RACGAP1: variants seen among roughly 807,000 people sequenced by gnomAD.
RACGAP1 encodes the protein rac GTPase-activating protein 1.
Under a neutral mutation model 78.1 loss-of-function variants are expected in RACGAP1, and 30 were observed. The observed-to-expected ratio is 0.38, with a 90% CI of 0.29 to 0.52. The LOEUF is 0.52. Ranked by LOEUF, RACGAP1 falls within the 20% of genes least tolerant of loss-of-function variation. RACGAP1 has a pLI of 0.82. For synonymous variants in RACGAP1, 231 were observed against 264.8 expected (o/e 0.87, Z 1.24); for missense variants, 587 against 777.1 (o/e 0.76, Z 2.91).
chr12:49,999,649 C>T lies in RACGAP1; in HGVS notation c.715G>A (p.Val239Met). The change falls in exon 8 of 17, where the codon GTG becomes ATG. Residue 239 changes from valine to methionine, a missense_variant. Val to Met is a conservative substitution (Grantham distance 21). Transcript: ENST00000312377. ...PIEAVSTIET[V>M]PYWTRSRRKT... is the part of the protein sequence containing the mutation. ...CTTCGGCTCCTGGTCCAATATGGCA[C>T]AGTCTCAATAGTGGACACAGCTTCG... is the stretch of plus-strand genomic sequence containing the variant. The T allele has an allele frequency of 6.2e-6, 10 of 1,614,152 alleles. No homozygotes were observed. Among genetic ancestry groups the T allele is most frequent in the Non-Finnish European group, 8.5e-6 (10 of 1,180,000 alleles).
chr12:50,005,111 T>C, intron 4 of RACGAP1, 145 bp downstream of exon 4: 3 of 1,109,690 alleles, frequency 2.7e-6, no homozygotes, highest in Admixed American at 2.5e-5. Flanking sequence ...TGTGCCTTTA[T>C]TCCCCACCTA....
At position 50,016,537 on chromosome 12, in the gene RACGAP1, A is replaced by G; in HGVS notation, c.85+94T>C. 3 of 1,358,904 alleles carry G rather than the reference A, an allele frequency of 2.2e-6. No individual in the cohort carries two copies. In the South Asian group the frequency reaches 3.5e-5, roughly 16 times the overall value. The allele number at this position is 1,358,904 out of a possible 1,614,324, so 84.2% of individuals were successfully genotyped here. On this transcript the variant is annotated intron_variant, in intron 2 of 16. Transcript: ENST00000312377. ...TTCTTTTTAGGTAACCCAAATGGAA[A>G]ACAACTTTAAGATTGGAAAATACTT... is the stretch of plus-strand genomic sequence containing the variant.
chr12:50,006,443 G>C lies in RACGAP1; in HGVS notation c.279C>G (p.Cys93Trp). 6.2e-7 allele frequency: 1 copy of C among 1,614,012 alleles called. No individual in the cohort carries two copies. The highest frequency in any genetic ancestry group is 8.5e-7 in the Non-Finnish European group (1 of 1,179,988). The stretch of plus-strand genomic sequence containing the variant: ...GGAAAACAATACACACCAGCTTTTC[G>C]CAGTCAGCCTCAGCTCTCTGTCTCC... ...IKRRQRAEAD[C>W]EKLERQIQLI... is the part of the protein sequence containing the mutation. Residue 93 changes from cysteine to tryptophan, a missense_variant, in exon 3 of 17, where the codon TGC (cysteine) becomes TGG (tryptophan). Cys to Trp is a radical substitution (Grantham distance 215). Coordinates refer to ENST00000312377, the MANE Select transcript of RACGAP1 (RefSeq NM_001319999.2).
chr12:50,000,670 T>A (rs567694344), intron 7 of RACGAP1, among the ~76,000 whole-genome samples: 1 of 152,280 alleles, frequency 6.6e-6, no homozygotes, highest in East Asian at 1.9e-4. Context: ...GGGTATATAT[T>A]CAAGCAACTA....
At chr12:50,020,194 C>T (rs60905953) in intron 1 of RACGAP1, among the ~76,000 whole-genome samples, 23,206 of 151,998 alleles carry the variant, frequency 0.15, 2,863 homozygotes, top group African/African-American at 0.34. Context: ...GACTTTTTTT[C>T]TGAGACGGTG....
intron 2 of RACGAP1, among the ~76,000 whole-genome samples, chr12:50,013,337 T>C (rs1378359819): frequency 6.6e-6 from 1 of 152,210 alleles, no homozygotes; most frequent in African/African-American, 2.4e-5. Context: ...TCCTATTTTA[T>C]AGGTGGAAAA....
At chr12:50,024,790 T>A (rs1695003657) in intron 1 of RACGAP1, among the ~76,000 whole-genome samples, 1 of 145,034 alleles carries the variant, frequency 6.9e-6, no homozygotes, top group Non-Finnish European at 1.5e-5. Context: ...AATGCTTTCT[T>A]AAAAAAAAAA....
At chr12:50,022,706 G>A (rs1483118188) in intron 1 of RACGAP1, among the ~76,000 whole-genome samples, 3 of 152,172 alleles carry the variant, frequency 2.0e-5, no homozygotes, top group African/African-American at 7.2e-5. Context: ...ATTTCATGGT[G>A]TTACAATCAT....
chr12:50,029,827 A>T (rs1434070696), upstream of RACGAP1, among the ~76,000 whole-genome samples: 2 of 152,116 alleles, frequency 1.3e-5, no homozygotes, highest in African/African-American at 4.8e-5. Context: ...TGGGAAGTGG[A>T]GGTTGCAGTG....
chr12:50,025,411 G>A lies in RACGAP1; in HGVS notation c.-18C>T. 1.1e-5 allele frequency: 11 copies of A among 985,750 alleles called. No homozygotes were observed. Among genetic ancestry groups the A allele is most frequent in the Non-Finnish European group, 1.3e-5 (11 of 830,194 alleles). The allele number at this position is 985,750 out of a possible 1,614,324, so 61.1% of individuals were successfully genotyped here. On this transcript the variant is annotated 5_prime_UTR_variant, in exon 1 of 17. Coordinates refer to ENST00000312377, the MANE Select transcript of RACGAP1 (RefSeq NM_001319999.2). ...CCCACTACTCACTTCAGTCAGCCTG[G>A]CCCCACCTGGGCCACCCTTCACTTC... is the stretch of plus-strand genomic sequence containing the variant.
At position 50,025,455 on chromosome 12, in the gene RACGAP1, C is replaced by G. The variant is rs936810322; in HGVS notation, c.-62G>C. The G allele has an allele frequency of 4.1e-5, 40 of 985,646 alleles. 1 individual carries two copies. Among genetic ancestry groups the G allele is most frequent in the Non-Finnish European group, 1.2e-6 (1 of 830,182 alleles). 61.1% of individuals were successfully genotyped at this position (985,646 alleles called of 1,614,324 possible). ...TCACTTCGCTCCGCGCCTCACCCAA[C>G]GGCAGAGCAGCGCCGCGCCCACAGC... On this transcript the variant is annotated 5_prime_UTR_variant, in exon 1 of 17. Transcript: ENST00000312377.
At chr12:50,013,635 G>A (rs1020490080) in intron 2 of RACGAP1, among the ~76,000 whole-genome samples, 4 of 152,302 alleles carry the variant, frequency 2.6e-5, no homozygotes, top group South Asian at 2.1e-4. Context: ...CCCAAAGCAC[G>A]GTTCTGATTA....
At chr12:49,997,741 C>T (rs1388104258) in intron 9 of RACGAP1, among the ~76,000 whole-genome samples, 1 of 151,644 alleles carries the variant, frequency 6.6e-6, no homozygotes, top group Non-Finnish European at 1.5e-5. Context: ...CCACGCCCGG[C>T]TAATTTTTAT....
upstream of RACGAP1, among the ~76,000 whole-genome samples, chr12:50,026,170 C>A (rs1380808613): frequency 1.3e-5 from 2 of 152,160 alleles, no homozygotes; most frequent in African/African-American, 2.4e-5. Flanking sequence ...GTGAGAAATA[C>A]ATTTTACGTT....
chr12:50,012,561 CA>C (rs1443850579), intron 2 of RACGAP1, among the ~76,000 whole-genome samples: 1 of 148,154 alleles, frequency 6.7e-6, no homozygotes, highest in African/African-American at 2.5e-5. Flanking sequence ...AACTCCATCT[CA>C]AAAAAATAAA....
At chr12:50,023,286 T>C (rs1242050259) in intron 1 of RACGAP1, among the ~76,000 whole-genome samples, 1 of 152,222 alleles carries the variant, frequency 6.6e-6, no homozygotes, top group Non-Finnish European at 1.5e-5. Context: ...CTAAAAGGGA[T>C]GTACTAATGC....
rs1592216416 is a variant in RACGAP1, at chr12:50,016,565, G to A, written c.85+66C>T. 5 of 1,486,984 alleles carry A rather than the reference G, an allele frequency of 3.4e-6. No homozygotes were observed. In the South Asian group the frequency reaches 3.4e-5, roughly 10 times the overall value. 92.1% of individuals were successfully genotyped at this position (1,486,984 alleles called of 1,614,324 possible). On this transcript the variant is annotated intron_variant, in intron 2 of 16. Transcript: ENST00000312377. ...AACTTTAAGATTGGAAAATACTTCA[G>A]CTTTGTAAAAATCCCAAATTTGAAA...
At position 49,992,293 on chromosome 12, in the gene RACGAP1, G is replaced by T; in HGVS notation, c.1530C>A (p.Pro510=). ...FGPTIVAHAV[P]NPDPVTMLQD... ...GTAACATTGTCACTGGGTCTGGATT[G>T]GGCACAGCATGGGCCACTATTGTAG... The change falls in exon 14 of 17, where the codon CCC becomes CCA. Residue 510 remains proline, a synonymous_variant. Transcript: ENST00000312377. 1 of 1,614,124 alleles carries T rather than the reference G, an allele frequency of 6.2e-7. No individual in the cohort carries two copies. The highest frequency in any genetic ancestry group is 8.5e-7 in the Non-Finnish European group (1 of 1,180,036).
At chr12:49,992,460 A>C in intron 13 of RACGAP1, 83 bp from the exon 14 acceptor site, 2 of 1,585,044 alleles carry the variant, frequency 1.3e-6, no homozygotes, top group African/African-American at 2.7e-5. Flanking sequence ...AAAACAATTC[A>C]TCCCTCATAC....
Sources: gnomAD v4.1 joint callset for allele counts (sites outside exome capture counted in the v4.1 genomes callset) on GRCh38, gnomAD v4.1.1 for gene constraint, MANE v1.5 for transcripts, NCBI Gene and HGNC (gene_info 2026-07-23, HGNC 2026-07-21) for gene names.